PRKCA: variants seen among roughly 807,000 people sequenced by gnomAD.
PRKCA encodes protein kinase C alpha.
Under a neutral mutation model 87.0 loss-of-function variants are expected in PRKCA, and 27 were observed. The observed-to-expected ratio is 0.31, with a 90% CI of 0.23 to 0.43. The LOEUF (loss-of-function observed/expected upper bound fraction) is 0.43, where lower values mean the gene tolerates loss of function less well. PRKCA is among the 20% of genes least tolerant of loss of function. The pLI is 1.00. For missense variants in PRKCA, 518 were observed against 852.3 expected, an observed-to-expected ratio of 0.61 and a Z score of 4.88; for synonymous variants, 329 against 311.1, an observed-to-expected ratio of 1.06 and a Z score of -0.61.
intron 3 of PRKCA, among the ~76,000 whole-genome samples, chr17:66,518,051 C>T (rs1273966265): frequency 6.6e-6 from 1 of 151,514 alleles, no homozygotes; most frequent in African/African-American, 2.4e-5. Flanking sequence ...CTCCCAGTAG[C>T]TGAGAGAAAA....
intron 13 of PRKCA, among the ~76,000 whole-genome samples, chr17:66,751,684 G>A (rs1048068704): frequency 1.3e-5 from 2 of 152,178 alleles, no homozygotes; most frequent in African/African-American, 4.8e-5. Flanking sequence ...TGGGTGCTGA[G>A]CTGGGACTCC....
At chr17:66,557,621 T>C (rs1968539984) in intron 3 of PRKCA, among the ~76,000 whole-genome samples, 1 of 152,170 alleles carries the variant, frequency 6.6e-6, no homozygotes, top group Non-Finnish European at 1.5e-5. Context: ...GAGGGACGGG[T>C]ACTTTTCTGA....
chr17:66,566,472 G>GTTGTTTTTTTTTTTTT (rs1968891899), intron 3 of PRKCA, among the ~76,000 whole-genome samples: 1 of 66,168 alleles, frequency 1.5e-5, no homozygotes, highest in African/African-American at 6.3e-5. Context: ...AACTGTTGTT[G>GTTGTTTTTTTTTTTTT]TTTTTTGGTT....
At chr17:66,313,421 AC>A (rs1050838641) in intron 2 of PRKCA, among the ~76,000 whole-genome samples, 6 of 152,252 alleles carry the variant, frequency 3.9e-5, no homozygotes, top group Non-Finnish European at 1.5e-5. Flanking sequence ...TAATAAGTTA[AC>A]ATATGTAATG....
chr17:66,341,454 G>A (rs1377826927), intron 2 of PRKCA, among the ~76,000 whole-genome samples: 12 of 152,308 alleles, frequency 7.9e-5, no homozygotes, highest in Admixed American at 5.9e-4. Flanking sequence ...TAAGTGAGGC[G>A]TGTTGTTCTG....
chr17:66,311,559 A>G (rs1055158459), intron 2 of PRKCA, among the ~76,000 whole-genome samples: 2 of 152,120 alleles, frequency 1.3e-5, no homozygotes, highest in African/African-American at 2.4e-5. Flanking sequence ...CGAGGATGCA[A>G]TGAGGTGTGA....
At chr17:66,583,904 T>C (rs889767282) in intron 3 of PRKCA, among the ~76,000 whole-genome samples, 12 of 152,318 alleles carry the variant, frequency 7.9e-5, no homozygotes, top group African/African-American at 2.9e-4. Flanking sequence ...AACCCTCTAA[T>C]AGGTAAGACT....
chr17:66,437,813 A>T (rs767677855), intron 2 of PRKCA, among the ~76,000 whole-genome samples: 4 of 151,114 alleles, frequency 2.6e-5, no homozygotes, highest in Non-Finnish European at 5.9e-5. Flanking sequence ...GACAGTTCAA[A>T]CCCTCATAGG....
chr17:66,774,402 C>T, intron 14 of PRKCA: 2 of 1,092,256 alleles, frequency 1.8e-6, no homozygotes, highest in South Asian at 4.7e-5. Context: ...AGGCGGATCG[C>T]CTGAGGTCAG....
In PRKCA at chr17:66,742,641, G is replaced by C. The variant is rs745329705; in HGVS notation, c.1405G>C (p.Val469Leu). Residue 469 changes from valine to leucine, a missense_variant, in exon 13 of 17, where the codon GTC (valine) becomes CTC (leucine). Val to Leu is a conservative substitution (Grantham distance 32). This residue lies in a region of PRKCA where 300 missense variants were observed against 496.8 expected (regional missense o/e 0.60). Transcript: ENST00000413366. ...IIYRDLKLDN[V>L]MLDSEGHIKI... is the part of the protein sequence containing the mutation. Reference sequence around the variant, plus strand: ...TTGCAGGGATCTGAAGTTAGATAACGTCATGTTGGATTCAGAAGGACATAT... The same window carrying C: ...TTGCAGGGATCTGAAGTTAGATAACCTCATGTTGGATTCAGAAGGACATAT... The C allele has an allele frequency of 1.9e-6, 3 of 1,614,128 alleles. No homozygotes were observed. In the East Asian group the frequency reaches 6.7e-5, roughly 36 times the overall value.
At chr17:66,392,047 G>A (rs1261704277) in intron 2 of PRKCA, among the ~76,000 whole-genome samples, 2 of 152,052 alleles carry the variant, frequency 1.3e-5, no homozygotes, top group Admixed American at 6.6e-5. Context: ...TGGCTGACAC[G>A]GTGAAACCCC....
At chr17:66,464,256 C>T (rs567418089) in intron 2 of PRKCA, among the ~76,000 whole-genome samples, 223 of 152,198 alleles carry the variant, frequency 1.5e-3, no homozygotes, top group African/African-American at 5.1e-3. Context: ...CTGGATGCAC[C>T]GCAGTTTATC....
At chr17:66,701,770 G>A (rs1197942076) in intron 8 of PRKCA, among the ~76,000 whole-genome samples, 1 of 152,028 alleles carries the variant, frequency 6.6e-6, no homozygotes, top group Non-Finnish European at 1.5e-5. Flanking sequence ...TTATAATGAG[G>A]TATCCCTGCA....
chr17:66,344,834 C>T (rs201370639), intron 2 of PRKCA, among the ~76,000 whole-genome samples: 14 of 152,312 alleles, frequency 9.2e-5, no homozygotes, highest in East Asian at 7.7e-4. Flanking sequence ...TGCGCGATCT[C>T]GGCTCACTGC....
At chr17:66,420,781 A>G (rs1445430826) in intron 2 of PRKCA, among the ~76,000 whole-genome samples, 1 of 152,166 alleles carries the variant, frequency 6.6e-6, no homozygotes, top group East Asian at 1.9e-4. Context: ...GGCGATTTTT[A>G]TCATTTTGAG....
At chr17:66,580,976 A>T (rs1292735793) in intron 3 of PRKCA, among the ~76,000 whole-genome samples, 4 of 151,728 alleles carry the variant, frequency 2.6e-5, no homozygotes, top group Non-Finnish European at 5.9e-5. Context: ...AATTATAGAG[A>T]TAACACAAGT....
At chr17:66,442,785 G>A (rs975452040) in intron 2 of PRKCA, among the ~76,000 whole-genome samples, 1 of 152,168 alleles carries the variant, frequency 6.6e-6, no homozygotes, top group African/African-American at 2.4e-5. Context: ...CATTTGTCAG[G>A]TGTTTGTGTT....
chr17:66,567,688 A>G (rs1968944046), intron 3 of PRKCA, among the ~76,000 whole-genome samples: 1 of 152,218 alleles, frequency 6.6e-6, no homozygotes, highest in South Asian at 2.1e-4. Context: ...AGCCCTGCTA[A>G]CATCACAAAG....
Position 66,724,573 on chromosome 17 carries a change from GCATT to G in PRKCA, c.919-8107_919-8104del, listed in dbSNP as rs1973696633. Among the ~76,000 whole-genome samples the G allele has an allele frequency of 1.4e-4, 21 of 152,342 alleles. No individual in the cohort carries two copies. The South Asian group carries it at 4.1e-3, about 30-fold the overall frequency. ...CAGCCCAGTGCATGCTCTGCTCTGA[GCATT>G]CATTCATCTTCAGGGGACATTCTGT... On this transcript the variant is annotated intron_variant, in intron 8 of 16. Coordinates refer to ENST00000413366, the MANE Select transcript of PRKCA (RefSeq NM_002737.3).
Sources: allele counts gnomAD v4.1 joint callset (sites outside exome capture counted in the v4.1 genomes callset), GRCh38; gene constraint gnomAD v4.1.1; regional missense constraint gnomAD v4.1.1; transcripts MANE v1.5; gene names NCBI Gene and HGNC (gene_info 2026-07-23, HGNC 2026-07-21).